Variants in TERF2 observed in about 807,000 individuals in gnomAD.
TERF2 encodes telomeric repeat binding factor 2.
In TERF2, 16 loss-of-function variants were observed where a neutral mutation model predicts 56.1. That is an observed-to-expected ratio of 0.29 (90% CI 0.19 to 0.43). The LOEUF is 0.43. TERF2 is among the 20% of genes least tolerant of loss of function. TERF2 has a pLI of 1.00. For synonymous variants in TERF2, 296 were observed against 282.1 expected, an observed-to-expected ratio of 1.05 and a Z score of -0.50; for missense variants, 547 against 712.9, an observed-to-expected ratio of 0.77 and a Z score of 2.65.
At chr16:69,359,627 ATTTTTTTTTTTTTT>A (rs564611021) in intron 8 of TERF2, among the ~76,000 whole-genome samples, 6 of 72,586 alleles carry the variant, frequency 8.3e-5, no homozygotes, top group Admixed American at 6.5e-4. Flanking sequence ...ATCATTCCCA[ATTTTTTTTTTTTTT>A]TTTTTTTTTT....
In TERF2 at chr16:69,356,721, G is replaced by A. The variant is rs1212805456; in HGVS notation, c.*177C>T. ...AGGCTGAGGCAGGAGAATGGCGTGA[G>A]CCCGGGAGACGGAGGTCGCAGTGAG... On this transcript the variant is annotated 3_prime_UTR_variant, in exon 10 of 10. Transcript: ENST00000254942. 11 of 627,962 alleles carry A rather than the reference G, an allele frequency of 1.8e-5. No individual in the cohort carries two copies. Among genetic ancestry groups the A allele is most frequent in the African/African-American group, 1.1e-4 (6 of 53,102 alleles). The allele number at this position is 627,962 out of a possible 1,614,324, so 38.9% of individuals were successfully genotyped here.
At chr16:69,369,043 T>G (rs933030280) in intron 5 of TERF2, among the ~76,000 whole-genome samples, 4 of 94,064 alleles carry the variant, frequency 4.3e-5, no homozygotes, top group Admixed American at 9.9e-5. Flanking sequence ...ACAAATGTTT[T>G]GCCTTATTAA....
intron 1 of TERF2, 52 bp from the exon 2 acceptor site, chr16:69,385,538 C>T: frequency 6.3e-7 from 1 of 1,597,458 alleles, no homozygotes; most frequent in South Asian, 1.1e-5. Flanking sequence ...GACTCCCGGT[C>T]CCCCGGACCC....
At chr16:69,358,716 T>A (rs2013014016) in intron 8 of TERF2, among the ~76,000 whole-genome samples, 1 of 151,602 alleles carries the variant, frequency 6.6e-6, no homozygotes, top group Non-Finnish European at 1.5e-5. Context: ...CATGTCCCCA[T>A]GTCTAACAAC....
At chr16:69,368,196 G>C (rs573532005) in intron 6 of TERF2, among the ~76,000 whole-genome samples, 180 bp downstream of exon 6, 3 of 152,210 alleles carry the variant, frequency 2.0e-5, no homozygotes, top group Non-Finnish European at 2.9e-5. Flanking sequence ...AGGGACCCCA[G>C]GCATCCTGTT....
intron 3 of TERF2, among the ~76,000 whole-genome samples, chr16:69,376,460 T>G (rs1447490954): frequency 6.6e-6 from 1 of 152,156 alleles, no homozygotes; most frequent in Non-Finnish European, 1.5e-5. Flanking sequence ...GTAGTATGAA[T>G]CCAAATTTTT....
At position 69,356,061 on chromosome 16, in the gene TERF2, C is replaced by G. The variant is rs966902172; in HGVS notation, c.*837G>C. On this transcript the variant is annotated 3_prime_UTR_variant, in exon 10 of 10. Transcript: ENST00000254942. ...GCAGACAGGTCTAGGGTTGATGTCA[C>G]GACTGGCTAAAGAGTTTTTAAAGGG... 8.0e-6 allele frequency: 3 copies of G among 374,466 alleles called. No individual in the cohort carries two copies. Among genetic ancestry groups the G allele is most frequent in the African/African-American group, 6.3e-5 (3 of 47,254 alleles). 23.2% of individuals were successfully genotyped at this position (374,466 alleles called of 1,614,324 possible).
intron 3 of TERF2, among the ~76,000 whole-genome samples, chr16:69,378,955 G>A (rs2013894007): frequency 6.6e-6 from 1 of 150,786 alleles, no homozygotes; most frequent in Non-Finnish European, 1.5e-5. Flanking sequence ...TCCTGTGGGG[G>A]GGGGGAAATT....
chr16:69,366,775 C>A (rs1191344356), intron 7 of TERF2, 32 bp downstream of exon 7: 1 of 1,572,900 alleles, frequency 6.4e-7, no homozygotes, highest in East Asian at 2.3e-5. Flanking sequence ...CACCAACCAG[C>A]CCCAAAATTT....
intron 8 of TERF2, among the ~76,000 whole-genome samples, chr16:69,360,757 T>G (rs2013108799): frequency 6.6e-6 from 1 of 151,978 alleles, no homozygotes; most frequent in African/African-American, 2.4e-5. Flanking sequence ...TTAAGATTTT[T>G]TTTTCTTTAA....
chr16:69,367,130 A>G lies in TERF2; in HGVS notation c.1017T>C (p.Gly339=). 6.2e-7 allele frequency: 1 copy of G among 1,614,210 alleles called. No individual in the cohort carries two copies. The highest frequency in any genetic ancestry group is 1.1e-5 in the South Asian group (1 of 91,084). Residue 339 remains glycine, a synonymous_variant, in exon 7 of 10, where the codon GGT becomes GGC. Transcript: ENST00000254942. The stretch of plus-strand genomic sequence containing the variant: ...CAAAGGCTGCCTCAGAATCCTGTGC[A>G]CCAGACAGAGTCTTGAAAGCTGCTT... The part of the protein sequence containing the change: ...TLKAAFKTLS[G]AQDSEAAFAK...
At position 69,356,317 on chromosome 16, in the gene TERF2, C is replaced by T; in HGVS notation, c.*581G>A. The T allele has an allele frequency of 2.5e-6, 1 of 400,064 alleles. No homozygotes were observed. The highest frequency in any genetic ancestry group is 4.9e-6 in the Non-Finnish European group (1 of 203,174). The allele number at this position is 400,064 out of a possible 1,614,324, so 24.8% of individuals were successfully genotyped here. A position where few individuals can be genotyped will look rare whatever the true frequency, so the allele number is the denominator to read the frequency against. ...CAGGGATTTAAATTTAAGCAAACCA[C>T]TAAAGAAGGGAAACGCTAATGATAT... is the stretch of plus-strand genomic sequence containing the variant. On this transcript the variant is annotated 3_prime_UTR_variant, in exon 10 of 10. Transcript: ENST00000254942.
intron 3 of TERF2, among the ~76,000 whole-genome samples, chr16:69,375,018 G>A (rs964989819): frequency 7.2e-5 from 11 of 152,110 alleles, no homozygotes; most frequent in African/African-American, 2.7e-4. Context: ...TTTAAAGGAT[G>A]TAGCCTTGAG....
At chr16:69,374,375 A>T (rs1163767595) in intron 3 of TERF2, among the ~76,000 whole-genome samples, 5 of 152,084 alleles carry the variant, frequency 3.3e-5, no homozygotes, top group African/African-American at 1.2e-4. Context: ...CATAACTGTA[A>T]TCCCAGTGCT....
At chr16:69,369,792 C>T (rs2013495870) in intron 5 of TERF2, among the ~76,000 whole-genome samples, 1 of 152,178 alleles carries the variant, frequency 6.6e-6, no homozygotes. Flanking sequence ...CTTTCAGTGA[C>T]ACCTTTCTCC....
intron 7 of TERF2, among the ~76,000 whole-genome samples, chr16:69,363,217 A>G (rs1306917129): frequency 2.0e-5 from 3 of 152,130 alleles, no homozygotes; most frequent in Non-Finnish European, 4.4e-5. Flanking sequence ...TTTGTTTTCT[A>G]TGTGCTTATC....
intron 3 of TERF2, among the ~76,000 whole-genome samples, chr16:69,382,160 C>A (rs1156271613): frequency 6.6e-6 from 1 of 152,208 alleles, no homozygotes; most frequent in Non-Finnish European, 1.5e-5. Flanking sequence ...CTGAAAGGGT[C>A]CTGGGGACCT....
chr16:69,369,744 T>G (rs1274129479), intron 5 of TERF2, among the ~76,000 whole-genome samples: 2 of 152,254 alleles, frequency 1.3e-5, no homozygotes. Flanking sequence ...TTTGATCCAA[T>G]TAAAGAATGT....
At chr16:69,367,311 AATGTGAT>A (rs1253846456) in intron 6 of TERF2, 112 bp from the exon 7 acceptor site, 2 of 1,096,282 alleles carry the variant, frequency 1.8e-6, no homozygotes, top group Non-Finnish European at 2.6e-6. Context: ...GGAGGCTTTA[AATGTGAT>A]ATGTAAGTTG....
Sources: allele counts gnomAD v4.1 joint callset (sites outside exome capture counted in the v4.1 genomes callset), GRCh38; gene constraint gnomAD v4.1.1; transcripts MANE v1.5; gene names NCBI Gene and HGNC (gene_info 2026-07-23, HGNC 2026-07-21).